DOCK2: variants seen among roughly 807,000 people sequenced by gnomAD.
DOCK2 encodes dedicator of cytokinesis 2, also known as dedicator of cytokinesis protein 2.
In DOCK2, 87 loss-of-function variants were observed where a neutral mutation model predicts 248.9. The observed-to-expected ratio is 0.35, with a 90% CI of 0.29 to 0.42. The LOEUF (loss-of-function observed/expected upper bound fraction) is 0.42. DOCK2 is among the 10% of genes least tolerant of loss of function. DOCK2 has a pLI of 1.00. For missense variants in DOCK2, 1,747 were observed against 2,300.2 expected, an observed-to-expected ratio of 0.76 and a Z score of 4.92; for synonymous variants, 805 against 821.6, an observed-to-expected ratio of 0.98 and a Z score of 0.35.
intron 40 of DOCK2, among the ~76,000 whole-genome samples, chr5:170,048,642 C>T (rs1210741647): frequency 6.6e-6 from 1 of 152,160 alleles, no homozygotes; most frequent in Non-Finnish European, 1.5e-5. Context: ...CCATCGTACA[C>T]TCATGGGAGA....
At chr5:169,676,891 A>G (rs1379512167) in intron 6 of DOCK2, among the ~76,000 whole-genome samples, 1 of 152,210 alleles carries the variant, frequency 6.6e-6, no homozygotes. Flanking sequence ...TTTTAACAAC[A>G]ATCAAAAAGC....
rs774521100 is a variant in DOCK2, at chr5:169,759,739, A to G, written c.2411A>G (p.His804Arg). 1 of 1,614,054 alleles carries G rather than the reference A, an allele frequency of 6.2e-7. No homozygotes were observed. Among genetic ancestry groups the G allele is most frequent in the South Asian group, 1.1e-5 (1 of 91,076 alleles). ...AALKYIPSVL[H>R]DVEMVFDAKL... ...TTGAAATACATCCCATCTGTCCTGC[A>G]TGATGTAGAAATGGTCTTTGATGCG... Residue 804 changes from histidine to arginine, a missense_variant, in exon 24 of 52, where the codon CAT becomes CGT. By Grantham distance (29) the His-to-Arg change is conservative (BLOSUM62 0). This residue lies in a region of DOCK2 where 858 missense variants were observed against 1,183.5 expected (regional missense o/e 0.72). Transcript: ENST00000520908.
At chr5:169,859,838 C>T (rs966030810) in intron 27 of DOCK2, among the ~76,000 whole-genome samples, 2 of 152,156 alleles carry the variant, frequency 1.3e-5, no homozygotes, top group Non-Finnish European at 2.9e-5. Context: ...TTTGATTCCA[C>T]ACAACAAGAA....
rs1777693485 is a variant in DOCK2, at chr5:169,975,727, A to G, written c.2800-7341A>G. Reference sequence around the variant, plus strand: ...CTTTGTAATATTTCATTAGTGGCACATATCACTATCTAAAATGATCTTACA... The same window carrying G: ...CTTTGTAATATTTCATTAGTGGCACGTATCACTATCTAAAATGATCTTACA... On this transcript the variant is annotated intron_variant, in intron 27 of 51. Transcript: ENST00000520908. Among the ~76,000 whole-genome samples, 5 of 152,252 alleles carry G rather than the reference A, an allele frequency of 3.3e-5. No homozygotes were observed. In the South Asian group the frequency reaches 1.0e-3, roughly 31 times the overall value.
intron 26 of DOCK2, among the ~76,000 whole-genome samples, chr5:169,809,269 G>A (rs764264094): frequency 4.6e-5 from 7 of 152,186 alleles, no homozygotes; most frequent in Non-Finnish European, 1.0e-4. Flanking sequence ...GGGATTACAG[G>A]CATGAGCCAC....
intron 27 of DOCK2, among the ~76,000 whole-genome samples, chr5:169,927,104 A>C (rs1007472560): frequency 1.3e-5 from 2 of 152,242 alleles, no homozygotes; most frequent in African/African-American, 4.8e-5. Context: ...TGGGAAGAGC[A>C]AAAGAGCAGA....
chr5:169,887,586 T>C (rs1773044370), intron 27 of DOCK2, among the ~76,000 whole-genome samples: 1 of 152,250 alleles, frequency 6.6e-6, no homozygotes, highest in Non-Finnish European at 1.5e-5. Context: ...TAGGCTAACA[T>C]GAATTTGTCT....
rs903812855 is a variant in DOCK2, at chr5:169,959,167, C to T, written c.2800-23901C>T. Among the ~76,000 whole-genome samples, 25 of 151,980 alleles carry T rather than the reference C, an allele frequency of 1.6e-4. No homozygotes were observed. In the East Asian group the frequency reaches 2.7e-3, roughly 17 times the overall value. On this transcript the variant is annotated intron_variant, in intron 27 of 51. Coordinates refer to ENST00000520908, the MANE Select transcript of DOCK2 (RefSeq NM_004946.3). ...CAGCACTTTGGGAGGCCGAGGGGGGCGGATCATGAGGTCAGGACATTGAGA... is the reference window on the plus strand; with the variant it reads ...CAGCACTTTGGGAGGCCGAGGGGGGTGGATCATGAGGTCAGGACATTGAGA...
intron 25 of DOCK2, among the ~76,000 whole-genome samples, chr5:169,770,290 C>A: frequency 9.8e-6 from 1 of 101,634 alleles, no homozygotes; most frequent in Admixed American, 1.2e-4. Flanking sequence ...ATTCTTGAGT[C>A]TTTTTTTTTT....
intron 27 of DOCK2, among the ~76,000 whole-genome samples, chr5:169,978,430 T>G (rs1171782120): frequency 2.8e-5 from 4 of 144,296 alleles, no homozygotes; most frequent in Admixed American, 7.1e-5. Context: ...CATTAGAGGT[T>G]GTTAAATAGA....
chr5:169,654,582 T>C, intron 2 of DOCK2, 96 bp downstream of exon 2: 2 of 1,263,232 alleles, frequency 1.6e-6, no homozygotes, highest in Admixed American at 2.2e-5. Flanking sequence ...AACCTGCAAC[T>C]GTGTGGTCTA....
intron 27 of DOCK2, among the ~76,000 whole-genome samples, chr5:169,879,108 G>A (rs1772491217): frequency 6.6e-6 from 1 of 152,152 alleles, no homozygotes; most frequent in Non-Finnish European, 1.5e-5. Context: ...GAGCCTCTGG[G>A]AAATACCACT....
rs1482820998 is a variant in DOCK2, at chr5:170,034,511, G to C, written c.3580G>C (p.Asp1194His). 6.2e-7 allele frequency: 1 copy of C among 1,614,186 alleles called. No individual in the cohort carries two copies. The highest frequency in any genetic ancestry group is 8.5e-7 in the Non-Finnish European group (1 of 1,180,006). The change falls in exon 35 of 52, where the codon GAT (aspartate) becomes CAT (histidine). Residue 1194 changes from aspartate to histidine, a missense_variant. This residue lies in a region of DOCK2 where 858 missense variants were observed against 1,183.5 expected (regional missense o/e 0.72). Coordinates refer to ENST00000520908, the MANE Select transcript of DOCK2 (RefSeq NM_004946.3). ...KLLDYRGVMT[D>H]ESKDNRMSCT... ...GCTGGATTACCGGGGTGTGATGACA[G>C]ATGAGAGCAAAGACAACCGCATGAG...
At chr5:169,896,909 G>A (rs560594957) in intron 27 of DOCK2, among the ~76,000 whole-genome samples, 2 of 152,250 alleles carry the variant, frequency 1.3e-5, no homozygotes, top group Non-Finnish European at 2.9e-5. Context: ...TTAATAAAGA[G>A]GAGAAAAACT....
At chr5:169,882,950 G>A (rs1245673699) in intron 27 of DOCK2, 2 of 1,551,808 alleles carry the variant, frequency 1.3e-6, no homozygotes, top group Non-Finnish European at 1.7e-6. Flanking sequence ...GGCTGGCTGT[G>A]GGAGCCTTGT....
intron 27 of DOCK2, among the ~76,000 whole-genome samples, chr5:169,955,805 C>T (rs1776843621): frequency 6.6e-6 from 1 of 152,184 alleles, no homozygotes; most frequent in Non-Finnish European, 1.5e-5. Context: ...CCAACACAGT[C>T]CCTGCTACAT....
intron 20 of DOCK2, among the ~76,000 whole-genome samples, chr5:169,716,618 G>A (rs889749378): frequency 6.6e-6 from 1 of 152,184 alleles, no homozygotes; most frequent in Admixed American, 6.5e-5. Context: ...TTGGGAGCTA[G>A]TCCCTGGCTA....
chr5:169,723,458 A>G (rs1161144280), intron 22 of DOCK2, among the ~76,000 whole-genome samples: 3 of 152,204 alleles, frequency 2.0e-5, no homozygotes, highest in African/African-American at 7.2e-5. Flanking sequence ...GATGTAAGGT[A>G]CTTACTTAGC....
chr5:169,949,077 G>A (rs905818986), intron 27 of DOCK2, among the ~76,000 whole-genome samples: 2 of 152,192 alleles, frequency 1.3e-5, no homozygotes, highest in African/African-American at 4.8e-5. Flanking sequence ...TAAAGGAAAA[G>A]CAGAGCATGT....
Sources: gnomAD v4.1 joint callset for allele counts (sites outside exome capture counted in the v4.1 genomes callset) on GRCh38, gnomAD v4.1.1 for gene constraint, gnomAD v4.1.1 regional missense constraint, MANE v1.5 for transcripts, NCBI Gene and HGNC (gene_info 2026-07-23, HGNC 2026-07-21) for gene names.